The following GLTP variants were observed in gnomAD, a reference collection of about 807,000 sequenced individuals.
GLTP encodes the protein glycolipid transfer protein.
A neutral mutation model predicts 24.0 loss-of-function variants in GLTP; 22 were observed. That is an observed-to-expected ratio of 0.92 (90% CI 0.65 to 1.31). The LOEUF (loss-of-function observed/expected upper bound fraction) is 1.31, where lower values mean the gene tolerates loss of function less well. GLTP is among the 50% of genes most tolerant of loss of function. The probability of loss-of-function intolerance (pLI) is 0.00; values close to 1 mark genes in which losing one functional copy is unlikely to be tolerated. For missense variants in GLTP, 224 were observed against 276.6 expected (o/e 0.81, Z 1.35); for synonymous variants, 92 against 115.9 (o/e 0.79, Z 1.33).
At position 109,851,175 on chromosome 12, in the gene GLTP, C is replaced by T. The variant is rs151020742; in HGVS notation, c.*1380G>A. ...CTTAGCAGCTGAAGGGTTCATCTCT[C>T]CCCGTCAAGAGAATACACACGGTAG... On this transcript the variant is annotated 3_prime_UTR_variant, in exon 5 of 5. Coordinates refer to ENST00000318348, the MANE Select transcript of GLTP (RefSeq NM_016433.4). 46 of 152,684 alleles carry T rather than the reference C, an allele frequency of 3.0e-4. No individual in the cohort carries two copies. The highest frequency in any genetic ancestry group is 1.1e-3 in the African/African-American group (46 of 41,562). 9.5% of individuals were successfully genotyped at this position (152,684 alleles called of 1,614,324 possible).
intron 4 of GLTP, among the ~76,000 whole-genome samples, chr12:109,853,766 C>T (rs1364365229): frequency 6.6e-6 from 1 of 151,112 alleles, no homozygotes; most frequent in Non-Finnish European, 1.5e-5. Context: ...TTTTTTTAGA[C>T]ATAGTCTCAC....
At position 109,855,734 on chromosome 12, in the gene GLTP, A is replaced by G; in HGVS notation, c.332T>C (p.Ile111Thr). 2 of 1,607,822 alleles carry G rather than the reference A, an allele frequency of 1.2e-6. No homozygotes were observed. The highest frequency in any genetic ancestry group is 2.3e-5 in the East Asian group (1 of 44,352). Residue 111 changes from isoleucine to threonine, a missense_variant, in exon 4 of 5, where the codon ATC becomes ACC. Ile to Thr is a moderately conservative substitution (Grantham distance 89). Coordinates refer to ENST00000318348, the MANE Select transcript of GLTP (RefSeq NM_016433.4). The surrounding 1 kb of genome is among the most constrained non-coding windows in gnomAD (Gnocchi z 4.1). The part of the protein sequence containing the change: ...LRFIQVFLQS[I>T]CDGERDENHP... ...GTTCTCGTCCCGCTCCCCGTCGCAG[A>G]TGCTCTGGAGGAAGACCTGGATGAA... is the stretch of plus-strand genomic sequence containing the variant.
chr12:109,871,343 C>G (rs1417771709), intron 1 of GLTP, among the ~76,000 whole-genome samples: 1 of 152,084 alleles, frequency 6.6e-6, no homozygotes, highest in Non-Finnish European at 1.5e-5. Context: ...CTTCGGCCCC[C>G]CAAAGTGTTG....
At position 109,857,406 on chromosome 12, in the gene GLTP, T is replaced by C. The variant is rs1892812983; in HGVS notation, c.296+120A>G. On this transcript the variant is annotated intron_variant, in intron 3 of 4. Coordinates refer to ENST00000318348, the MANE Select transcript of GLTP (RefSeq NM_016433.4). The surrounding 1 kb of genome is among the most constrained non-coding windows in gnomAD (Gnocchi z 4.3). ...GCCTTTTCCCAGCCATTAACTAGCATCACACTGGAAGGGCTCGGAAGTGAC... is the reference window on the plus strand; with the variant it reads ...GCCTTTTCCCAGCCATTAACTAGCACCACACTGGAAGGGCTCGGAAGTGAC... 1 of 1,126,360 alleles carries C rather than the reference T, an allele frequency of 8.9e-7. No individual in the cohort carries two copies. Among genetic ancestry groups the C allele is most frequent in the Non-Finnish European group, 1.3e-6 (1 of 781,838 alleles). The allele number at this position is 1,126,360 out of a possible 1,614,324, so 69.8% of individuals were successfully genotyped here. A position where few individuals can be genotyped will look rare whatever the true frequency, so the allele number is the denominator to read the frequency against.
At chr12:109,867,960 G>A (rs189117196) in intron 1 of GLTP, among the ~76,000 whole-genome samples, 2 of 152,200 alleles carry the variant, frequency 1.3e-5, no homozygotes, top group Admixed American at 1.3e-4. Flanking sequence ...TGTATTTTTA[G>A]TAGAGACAGG....
intron 1 of GLTP, among the ~76,000 whole-genome samples, chr12:109,862,120 G>A (rs1868380980): frequency 1.3e-5 from 2 of 152,188 alleles, no homozygotes; most frequent in Non-Finnish European, 2.9e-5. Context: ...GGGCCATGCT[G>A]GAGCCTTCCC....
At chr12:109,871,879 T>C (rs1435169296) in intron 1 of GLTP, among the ~76,000 whole-genome samples, 1 of 152,248 alleles carries the variant, frequency 6.6e-6, no homozygotes, top group Non-Finnish European at 1.5e-5. Context: ...AGGGCCTGAC[T>C]TCTGCCCCAA....
chr12:109,859,001 C>G (rs1892838813), intron 1 of GLTP, among the ~76,000 whole-genome samples: 1 of 152,160 alleles, frequency 6.6e-6, no homozygotes, highest in South Asian at 2.1e-4. Flanking sequence ...ATAAACAATC[C>G]AATCCTAAGA....
intron 1 of GLTP, among the ~76,000 whole-genome samples, chr12:109,861,018 G>A (rs1407001407): frequency 2.0e-5 from 3 of 152,198 alleles, no homozygotes; most frequent in Non-Finnish European, 2.9e-5. Flanking sequence ...CTGCTACAGA[G>A]CCCAGGGGAC....
Position 109,857,632 on chromosome 12 carries a change from G to C in GLTP, c.190C>G (p.Pro64Ala). 6.2e-7 allele frequency: 1 copy of C among 1,614,026 alleles called. No homozygotes were observed. Among genetic ancestry groups the C allele is most frequent in the African/African-American group, 1.3e-5 (1 of 74,996 alleles). The change falls in exon 3 of 5, where the codon CCA (proline) becomes GCA (alanine). Residue 64 changes from proline (P) to alanine (A), a missense_variant. Coordinates refer to ENST00000318348, the MANE Select transcript of GLTP (RefSeq NM_016433.4). The surrounding 1 kb of genome is among the most constrained non-coding windows in gnomAD (Gnocchi z 4.3). ...TTCTGCAGGGTCCGGAACTTGGCTG[G>C]GTTGGTGTCGTACACAGCTTTGATT... is the stretch of plus-strand genomic sequence containing the variant. Reference protein sequence around the residue: ...TKIKAVYDTNPAKFRTLQNIL... With the variant: ...TKIKAVYDTNAAKFRTLQNIL...
chr12:109,858,839 T>G, intron 1 of GLTP, 98 bp from the exon 2 acceptor site: 1 of 831,620 alleles, frequency 1.2e-6, no homozygotes. Flanking sequence ...GATTACATGG[T>G]GTGTCCCGGG....
chr12:109,858,287 C>G (rs1892827460), intron 2 of GLTP: 4 of 455,146 alleles, frequency 8.8e-6, no homozygotes, highest in Non-Finnish European at 1.8e-5. Context: ...TGGCTGGGCC[C>G]TAGGTGGATT....
rs575559545 is a variant in GLTP at position 109,869,016 on chromosome 12, C to T, written c.104-10275G>A. ...AATACTTCTTTAAAAACTTCACCCC[C>T]GGGCCAGGCACAGTGGCTTACTCCT... is the stretch of plus-strand genomic sequence containing the variant. On this transcript the variant is annotated intron_variant, in intron 1 of 4. Transcript: ENST00000318348. 4.2e-4 allele frequency among the ~76,000 whole-genome samples: 64 copies of T among 152,136 alleles called. 1 individual carries two copies. Among genetic ancestry groups the T allele is most frequent in the African/African-American group, 1.3e-3 (54 of 41,522 alleles).
chr12:109,869,581 G>A (rs370771263), intron 1 of GLTP, among the ~76,000 whole-genome samples: 10 of 146,692 alleles, frequency 6.8e-5, no homozygotes, highest in Non-Finnish European at 1.2e-4. Context: ...TCAGCCTCCC[G>A]AGTATCTGAG....
intron 1 of GLTP, among the ~76,000 whole-genome samples, chr12:109,870,317 T>G (rs1725271896): frequency 6.6e-6 from 1 of 151,706 alleles, no homozygotes; most frequent in Non-Finnish European, 1.5e-5. Flanking sequence ...AATACAAAAA[T>G]TAACTGGGTG....
chr12:109,871,349 T>G (rs1409811865), intron 1 of GLTP, among the ~76,000 whole-genome samples: 1 of 152,052 alleles, frequency 6.6e-6, no homozygotes, highest in Non-Finnish European at 1.5e-5. Context: ...CCCCCCAAAG[T>G]GTTGGGATTA....
chr12:109,878,367 G>C (rs1481975504), intron 1 of GLTP, among the ~76,000 whole-genome samples: 1 of 152,174 alleles, frequency 6.6e-6, no homozygotes, highest in Non-Finnish European at 1.5e-5. Context: ...TGGCAGGACT[G>C]TTCTGTGCAC....
At chr12:109,872,591 C>T (rs1250148338) in intron 1 of GLTP, among the ~76,000 whole-genome samples, 1 of 152,162 alleles carries the variant, frequency 6.6e-6, no homozygotes, top group Non-Finnish European at 1.5e-5. Flanking sequence ...CAGGTGGGAT[C>T]AAGAGTGGGA....
At chr12:109,878,061 C>T (rs1014391918) in intron 1 of GLTP, among the ~76,000 whole-genome samples, 11 of 152,162 alleles carry the variant, frequency 7.2e-5, no homozygotes, top group African/African-American at 2.2e-4. Flanking sequence ...CTTCTGTCAA[C>T]AGATGTGACA....
Sources: gnomAD v4.1 joint callset for allele counts (sites outside exome capture counted in the v4.1 genomes callset) on GRCh38, gnomAD v4.1.1 for gene constraint, Gnocchi (gnomAD v3.1) non-coding constraint, MANE v1.5 for transcripts, NCBI Gene and HGNC (gene_info 2026-07-23, HGNC 2026-07-21) for gene names.